MMP12: variants seen among roughly 807,000 people sequenced by gnomAD.
MMP12 encodes matrix metallopeptidase 12, also known as macrophage metalloelastase.
Under a neutral mutation model 45.2 loss-of-function variants are expected in MMP12, and 51 were observed. The observed-to-expected ratio is 1.13, with a 90% CI of 0.90 to 1.42. MMP12 has a LOEUF of 1.42. Ranked by LOEUF, MMP12 falls within the 40% of genes most tolerant of loss-of-function variation. The probability of loss-of-function intolerance (pLI) is 0.00; values close to 1 mark genes in which losing one functional copy is unlikely to be tolerated. For missense variants in MMP12, 530 were observed against 570.8 expected (o/e 0.93, Z 0.73); for synonymous variants, 210 against 193.3 (o/e 1.09, Z -0.72).
At chr11:102,869,850 C>T (rs1440977643) in intron 4 of MMP12, among the ~76,000 whole-genome samples, 1 of 151,956 alleles carries the variant, frequency 6.6e-6, no homozygotes, top group African/African-American at 2.4e-5. Context: ...ACCCTGGAGG[C>T]GAAGGTTGCA....
Position 102,865,635 on chromosome 11 carries a change from C to T in MMP12, c.1205+141G>A. The T allele has an allele frequency of 1.8e-6, 1 of 547,270 alleles. No homozygotes were observed. The highest frequency in any genetic ancestry group is 3.0e-6 in the Non-Finnish European group (1 of 337,118). 33.9% of individuals were successfully genotyped at this position (547,270 alleles called of 1,614,324 possible). A position where few individuals can be genotyped will look rare whatever the true frequency, so the allele number is the denominator to read the frequency against. ...AGAACTAAGTTGACAATAACTATTT[C>T]AGTCCTATATTCTCTTAATCTCTCT... On this transcript the variant is annotated intron_variant, in intron 8 of 9. Coordinates refer to ENST00000571244, the MANE Select transcript of MMP12 (RefSeq NM_002426.6). This position sits in a 1 kb window ranked among gnomAD's most constrained non-coding sequence, Gnocchi z 4.1.
intron 6 of MMP12, among the ~76,000 whole-genome samples, chr11:102,866,655 G>C (rs1280148700): frequency 1.3e-5 from 2 of 152,098 alleles, no homozygotes; most frequent in Non-Finnish European, 2.9e-5. Flanking sequence ...CAAGCAATCT[G>C]GTATACAGAA....
intron 6 of MMP12, 88 bp downstream of exon 6, chr11:102,867,182 T>C: frequency 8.0e-7 from 1 of 1,247,242 alleles, no homozygotes; most frequent in South Asian, 1.7e-5. Context: ...TTCATCTACT[T>C]CATTTTCAAT....
Position 102,873,078 on chromosome 11 carries a change from T to C in MMP12, c.137A>G (p.Asn46Ser). 1 of 1,613,210 alleles carries C rather than the reference T, an allele frequency of 6.2e-7. No individual in the cohort carries two copies. The highest frequency in any genetic ancestry group is 8.5e-7 in the Non-Finnish European group (1 of 1,179,436). The change falls in exon 2 of 10, where the codon AAC becomes AGC. Residue 46 changes from asparagine (N) to serine (S), a missense_variant. Asn to Ser is a conservative substitution (Grantham distance 46). Transcript: ENST00000571244. ...YLEKFYGLEINKLPVTKMKYS... is the reference protein window; with the variant it reads ...YLEKFYGLEISKLPVTKMKYS... ...TTTCATTTTTGTCACTGGAAGTTTG[T>C]TTATCTCAAGGCCATAAAATTTTTC...
At position 102,868,212 on chromosome 11, in the gene MMP12, G is replaced by T. The variant is rs2134420428; in HGVS notation, c.626-143C>A. ...TTTTGAGTTGGGTTTCTCAATCTCAGCACTTCTGACATTACAGTTCAGTAG... is the reference window on the plus strand; with the variant it reads ...TTTTGAGTTGGGTTTCTCAATCTCATCACTTCTGACATTACAGTTCAGTAG... On this transcript the variant is annotated intron_variant, in intron 4 of 9. Transcript: ENST00000571244. The T allele has an allele frequency of 8.2e-6, 6 of 729,860 alleles. No individual in the cohort carries two copies. The East Asian group carries it at 1.6e-4, about 20-fold the overall frequency. 45.2% of individuals were successfully genotyped at this position (729,860 alleles called of 1,614,324 possible).
At chr11:102,869,911 T>C (rs1435214269) in intron 4 of MMP12, among the ~76,000 whole-genome samples, 1 of 152,028 alleles carries the variant, frequency 6.6e-6, no homozygotes, top group African/African-American at 2.4e-5. Flanking sequence ...AGAGCAAGAC[T>C]CCATCTCAAA....
chr11:102,862,935 A>G lies in MMP12; in HGVS notation c.*165T>C. On this transcript the variant is annotated 3_prime_UTR_variant, in exon 10 of 10. Transcript: ENST00000571244. ...CAAGAATGGACAATTAGAGTTTTCA[A>G]AATTGAAAAATATTATGTATTTTAT... 1 of 441,736 alleles carries G rather than the reference A, an allele frequency of 2.3e-6. No homozygotes were observed. 27.4% of individuals were successfully genotyped at this position (441,736 alleles called of 1,614,324 possible). A position where few individuals can be genotyped will look rare whatever the true frequency, so the allele number is the denominator to read the frequency against.
rs1859391043 is a variant in MMP12 at position 102,866,517 on chromosome 11, G to A, written c.912-69C>T. 12 of 1,518,848 alleles carry A rather than the reference G, an allele frequency of 7.9e-6. No homozygotes were observed. In the Admixed American group the frequency reaches 2.3e-4, roughly 29 times the overall value. The allele number at this position is 1,518,848 out of a possible 1,614,324, so 94.1% of individuals were successfully genotyped here. ...CTCAAGAACCATGGCATGTGAATGG[G>A]AGGGAACTGTGAAAAGACCCAATAT... On this transcript the variant is annotated intron_variant, in intron 6 of 9. Transcript: ENST00000571244.
intron 1 of MMP12, among the ~76,000 whole-genome samples, chr11:102,873,591 C>T (rs782804413): frequency 2.0e-5 from 3 of 152,012 alleles, no homozygotes; most frequent in Admixed American, 6.6e-5. Flanking sequence ...CAGACACAGA[C>T]CCTGTCTCAA....
At chr11:102,873,222 T>G in intron 1 of MMP12, 110 bp from the exon 2 acceptor site, 1 of 921,690 alleles carries the variant, frequency 1.1e-6, no homozygotes, top group Non-Finnish European at 1.6e-6. Context: ...CCAGGAATTT[T>G]GCACATCTTA....
In MMP12 at chr11:102,865,789, T is replaced by C. The variant is rs1555008421; in HGVS notation, c.1192A>G (p.Asn398Asp). 2 of 1,610,810 alleles carry C rather than the reference T, an allele frequency of 1.2e-6. No homozygotes were observed. The highest frequency in any genetic ancestry group is 2.2e-5 in the South Asian group (2 of 90,466). The change falls in exon 8 of 10, where the codon AAC becomes GAC. Residue 398 changes from asparagine to aspartate, a missense_variant. Transcript: ENST00000571244. This position sits in a 1 kb window ranked among gnomAD's most constrained non-coding sequence, Gnocchi z 4.1. ...RFYRTYFFVD[N>D]QYWRYDERRQ... ...ATTAAAACTCACCTCCAATACTGGT[T>C]ATCTACAAAGAAGTAGGTCCTATAA...
chr11:102,865,664 T>C lies in MMP12; in HGVS notation c.1205+112A>G. On this transcript the variant is annotated intron_variant, in intron 8 of 9. Coordinates refer to ENST00000571244, the MANE Select transcript of MMP12 (RefSeq NM_002426.6). The surrounding 1 kb of genome is among the most constrained non-coding windows in gnomAD (Gnocchi z 4.1). ...CCTATATTCTCTTAATCTCTCTCCC[T>C]GGAAGGTCAAGGAGCTTTGGGAATT... is the stretch of plus-strand genomic sequence containing the variant. 1 of 787,848 alleles carries C rather than the reference T, an allele frequency of 1.3e-6. No homozygotes were observed. Among genetic ancestry groups the C allele is most frequent in the South Asian group, 2.5e-5 (1 of 39,966 alleles). The allele number at this position is 787,848 out of a possible 1,614,324, so 48.8% of individuals were successfully genotyped here. A position where few individuals can be genotyped will look rare whatever the true frequency, so the allele number is the denominator to read the frequency against.
At chr11:102,872,589 C>T (rs1489262028) in intron 2 of MMP12, among the ~76,000 whole-genome samples, 4 of 152,198 alleles carry the variant, frequency 2.6e-5, no homozygotes, top group African/African-American at 9.7e-5. Flanking sequence ...GATCCACCCA[C>T]CTTGGCCTCC....
chr11:102,868,172 C>G lies in MMP12; in HGVS notation c.626-103G>C, dbSNP rs1859431584. On this transcript the variant is annotated intron_variant, in intron 4 of 9. Coordinates refer to ENST00000571244, the MANE Select transcript of MMP12 (RefSeq NM_002426.6). ...AAAAGAAAGATTTGAGAATCTTTTA[C>G]TTATTTCTTTACCCTTTTGAGTTGG... is the stretch of plus-strand genomic sequence containing the variant. 3.7e-6 allele frequency: 4 copies of G among 1,067,102 alleles called. No individual in the cohort carries two copies. In the East Asian group the frequency reaches 1.0e-4, roughly 28 times the overall value. 66.1% of individuals were successfully genotyped at this position (1,067,102 alleles called of 1,614,324 possible).
chr11:102,866,753 T>C (rs1327107053), intron 6 of MMP12, among the ~76,000 whole-genome samples: 1 of 152,162 alleles, frequency 6.6e-6, no homozygotes, highest in Non-Finnish European at 1.5e-5. Context: ...AGGAAGTCAC[T>C]ATCCTCAAGT....
Position 102,865,575 on chromosome 11 carries a change from TCTA to T in MMP12, c.1205+198_1205+200del, listed in dbSNP as rs1859369856. 6.6e-6 allele frequency among the ~76,000 whole-genome samples: 1 copy of T among 152,266 alleles called. No individual in the cohort carries two copies. The highest frequency in any genetic ancestry group is 2.1e-4 in the South Asian group (1 of 4,818). On this transcript the variant is annotated intron_variant, in intron 8 of 9. Transcript: ENST00000571244. The surrounding 1 kb of genome is among the most constrained non-coding windows in gnomAD (Gnocchi z 4.1). ...TTTTTTTAAAAAAAAACACACATTA[TCTA>T]CTATTTCATATATCAGAAACCAAAA...
chr11:102,867,524 A>AT, intron 5 of MMP12, 131 bp from the exon 6 acceptor site: 1 of 953,848 alleles, frequency 1.0e-6, no homozygotes, highest in Non-Finnish European at 1.5e-6. Flanking sequence ...TTTCTATAAC[A>AT]TTCACAGGAA....
chr11:102,869,685 C>T lies in MMP12; in HGVS notation c.626-1616G>A, dbSNP rs532034395. On this transcript the variant is annotated intron_variant, in intron 4 of 9. Coordinates refer to ENST00000571244, the MANE Select transcript of MMP12 (RefSeq NM_002426.6). The stretch of plus-strand genomic sequence containing the variant: ...CAGCACTTTGGGAGACCAAGGCAGG[C>T]GGATCACCTGAGGTCAGGAGTTCGA... Among the ~76,000 whole-genome samples the T allele has an allele frequency of 1.1e-3, 169 of 151,364 alleles. 1 individual carries two copies. Among genetic ancestry groups the T allele is most frequent in the Middle Eastern group, 3.4e-3 (1 of 290 alleles).
chr11:102,867,595 A>G (rs1555008762), intron 5 of MMP12, among the ~76,000 whole-genome samples: 2 of 152,206 alleles, frequency 1.3e-5, no homozygotes, highest in African/African-American at 2.4e-5. Context: ...AAATCTGATT[A>G]TCTTTACTTT....
Sources: gnomAD v4.1 joint callset for allele counts (sites outside exome capture counted in the v4.1 genomes callset) on GRCh38, gnomAD v4.1.1 for gene constraint, Gnocchi (gnomAD v3.1) non-coding constraint, MANE v1.5 for transcripts, NCBI Gene and HGNC (gene_info 2026-07-23, HGNC 2026-07-21) for gene names.